Variants in SHISA9 observed in about 807,000 individuals in gnomAD.
SHISA9 encodes the protein shisa family member 9.
Under a neutral mutation model 38.0 loss-of-function variants are expected in SHISA9, and 13 were observed. The observed-to-expected ratio is 0.34, with a 90% CI of 0.22 to 0.54. SHISA9 has a LOEUF of 0.54. Ranked by LOEUF, SHISA9 falls within the 20% of genes least tolerant of loss-of-function variation. The pLI is 0.91. For synonymous variants in SHISA9, 275 were observed against 242.0 expected, an observed-to-expected ratio of 1.14 and a Z score of -1.27; for missense variants, 538 against 575.8, an observed-to-expected ratio of 0.93 and a Z score of 0.67.
At chr16:13,211,308 G>GA (rs199937656) in intron 3 of SHISA9, among the ~76,000 whole-genome samples, 112 of 142,444 alleles carry the variant, frequency 7.9e-4, no homozygotes, top group African/African-American at 2.1e-3. Flanking sequence ...TCTGTCTCAA[G>GA]AAAAGAAAAA....
downstream of SHISA9, among the ~76,000 whole-genome samples, chr16:13,243,078 A>G (rs2051446692): frequency 6.6e-6 from 1 of 151,962 alleles, no homozygotes; most frequent in Non-Finnish European, 1.5e-5. Context: ...ATCTCTACTG[A>G]AAATACAAAA....
At chr16:13,478,873 A>T in the SHISA9 span, among the ~76,000 whole-genome samples, 1 of 152,166 alleles carries the variant, frequency 6.6e-6, no homozygotes, top group Non-Finnish European at 1.5e-5. Context: ...CACCTGGGCG[A>T]TTCTGATCCA....
chr16:13,217,767 T>C (rs1022751117), intron 4 of SHISA9, among the ~76,000 whole-genome samples: 6 of 152,072 alleles, frequency 3.9e-5, no homozygotes, highest in Non-Finnish European at 5.9e-5. Flanking sequence ...TGGTGGCTCA[T>C]GCCTGTAATC....
At chr16:13,381,390 C>T in the SHISA9 span, among the ~76,000 whole-genome samples, 1 of 152,212 alleles carries the variant, frequency 6.6e-6, no homozygotes, top group Non-Finnish European at 1.5e-5. Flanking sequence ...GTAATTTATC[C>T]ATAGGAAACT....
the SHISA9 span, among the ~76,000 whole-genome samples, chr16:13,554,143 A>G: frequency 2.6e-5 from 4 of 152,222 alleles, no homozygotes; most frequent in Non-Finnish European, 5.9e-5. Context: ...TTGGCTGGGC[A>G]TCTTCTGCCT....
the SHISA9 span, among the ~76,000 whole-genome samples, chr16:13,466,899 G>T: frequency 6.6e-6 from 1 of 152,320 alleles, no homozygotes; most frequent in African/African-American, 2.4e-5. Flanking sequence ...CAGGAGAAAT[G>T]TAAATGTCAC....
chr16:13,450,018 G>A, the SHISA9 span, among the ~76,000 whole-genome samples: 1 of 152,194 alleles, frequency 6.6e-6, no homozygotes, highest in Non-Finnish European at 1.5e-5. Context: ...TCGGGAGGCT[G>A]AGGCAGAAGA....
intron 2 of SHISA9, among the ~76,000 whole-genome samples, chr16:13,092,656 C>T (rs2073787024): frequency 6.6e-6 from 1 of 152,248 alleles, no homozygotes; most frequent in Non-Finnish European, 1.5e-5. Flanking sequence ...ACCTTGTCTG[C>T]CAGTTGCTAA....
chr16:13,536,074 C>T, the SHISA9 span, among the ~76,000 whole-genome samples: 3 of 151,976 alleles, frequency 2.0e-5, no homozygotes, highest in East Asian at 3.9e-4. Flanking sequence ...TCTCGGCTCA[C>T]CGCAACCTCC....
At chr16:13,135,481 A>G (rs2050340949) in intron 2 of SHISA9, among the ~76,000 whole-genome samples, 1 of 152,208 alleles carries the variant, frequency 6.6e-6, no homozygotes, top group Non-Finnish European at 1.5e-5. Flanking sequence ...AGTTTGGCCC[A>G]TTCTTGCCAG....
At chr16:13,333,166 A>G in the SHISA9 span, among the ~76,000 whole-genome samples, 1 of 152,146 alleles carries the variant, frequency 6.6e-6, no homozygotes, top group Non-Finnish European at 1.5e-5. Context: ...GCATGATGCA[A>G]TTGGAACATC....
At chr16:13,530,271 C>T in the SHISA9 span, among the ~76,000 whole-genome samples, 3 of 152,066 alleles carry the variant, frequency 2.0e-5, no homozygotes, top group East Asian at 1.9e-4. Context: ...ACTGCACTCC[C>T]GCCTGGGTGA....
intron 2 of SHISA9, among the ~76,000 whole-genome samples, chr16:12,938,531 C>T (rs1454663259): frequency 6.6e-6 from 1 of 151,852 alleles, no homozygotes; most frequent in Non-Finnish European, 1.5e-5. Flanking sequence ...GAGTTTCACT[C>T]TTGTTGCCCA....
intron 2 of SHISA9, among the ~76,000 whole-genome samples, chr16:13,146,930 A>T (rs1404784451): frequency 6.6e-6 from 1 of 152,224 alleles, no homozygotes; most frequent in Non-Finnish European, 1.5e-5. Flanking sequence ...TAAAGGAAAG[A>T]AGCATACTTT....
chr16:13,448,096 G>A, the SHISA9 span, among the ~76,000 whole-genome samples: 2 of 152,274 alleles, frequency 1.3e-5, no homozygotes, highest in African/African-American at 4.8e-5. Context: ...TGAACCTCTT[G>A]CTGCCAGACA....
the SHISA9 span, among the ~76,000 whole-genome samples, chr16:13,465,338 C>G: frequency 7.9e-4 from 121 of 152,304 alleles, no homozygotes; most frequent in African/African-American, 2.8e-3. Context: ...AATCATCCCT[C>G]AAATGAAGTT....
the SHISA9 span, among the ~76,000 whole-genome samples, chr16:13,382,222 T>C: frequency 1.3e-5 from 2 of 152,174 alleles, no homozygotes; most frequent in African/African-American, 4.8e-5. Flanking sequence ...AACAGAGATA[T>C]ATTGCAGTAA....
rs576383194 is a variant in SHISA9, at chr16:13,081,289, T to C, written c.692-122105T>C. Among the ~76,000 whole-genome samples the C allele has an allele frequency of 4.6e-5, 7 of 152,238 alleles. No homozygotes were observed. In the East Asian group the frequency reaches 9.7e-4, roughly 21 times the overall value. On this transcript the variant is annotated intron_variant, in intron 2 of 4. Transcript: ENST00000558583. ...ATGGAGAGGGAGTGCCTGGTCTAGA[T>C]TGAGACCCAAAGCTGTGGGAAGGGA...
At chr16:13,428,950 A>G in the SHISA9 span, among the ~76,000 whole-genome samples, 4,858 of 152,006 alleles carry the variant, frequency 0.032, 250 homozygotes, top group African/African-American at 0.11. Flanking sequence ...GTTTTTTAGT[A>G]GAGACCGGGT....
Sources: allele counts gnomAD v4.1 joint callset (sites outside exome capture counted in the v4.1 genomes callset), GRCh38; gene constraint gnomAD v4.1.1; transcripts MANE v1.5; gene names NCBI Gene and HGNC (gene_info 2026-07-23, HGNC 2026-07-21).